The following ADCY3 variants were observed in gnomAD, a reference collection of about 807,000 sequenced individuals.
The protein encoded by ADCY3 is adenylate cyclase 3, also known as adenylate cyclase type 3.
A neutral mutation model predicts 119.4 loss-of-function variants in ADCY3; 70 were observed. The observed-to-expected ratio is 0.59, with a 90% CI of 0.48 to 0.72. The LOEUF is 0.72. ADCY3 is among the 30% of genes least tolerant of loss of function. The probability of loss-of-function intolerance (pLI) is 0.00; values close to 1 mark genes in which losing one functional copy is unlikely to be tolerated. For synonymous variants in ADCY3, 672 were observed against 621.4 expected (o/e 1.08, Z -1.21); for missense variants, 1,238 against 1,541.6 (o/e 0.80, Z 3.30).
intron 3 of ADCY3, among the ~76,000 whole-genome samples, chr2:24,853,005 GGTGTGTGTGTGTGTGTGT>G (rs58904311): frequency 0.084 from 8,000 of 95,250 alleles, 300 homozygotes; most frequent in East Asian, 0.1. Flanking sequence ...ACAGCTGGAG[GGTGTGTGTGTGTGTGTGT>G]GTGTGTGTGT....
rs143156936 is a variant in ADCY3, at chr2:24,918,406, G to A, written c.582C>T (p.Ser194=). The A allele has an allele frequency of 1.2e-4, 198 of 1,613,794 alleles. No homozygotes were observed. The African/African-American group carries it at 2.3e-3, about 19-fold the overall frequency. The change falls in exon 2 of 22, where the codon TCC becomes TCT. Residue 194 remains serine (S), a synonymous_variant. Transcript: ENST00000679454. This position sits in a 1 kb window ranked among gnomAD's most constrained non-coding sequence, Gnocchi z 5.4. ...ACGTGTGCACCACACAGGAGACCACGGAGATGATCACGATGGGGCTGAGGC... is the reference window on the plus strand; with the variant it reads ...ACGTGTGCACCACACAGGAGACCACAGAGATGATCACGATGGGGCTGAGGC... ...PLSLSPIVII[S]VVSCVVHTLV...
chr2:24,858,808 C>T (rs561587726), intron 3 of ADCY3, among the ~76,000 whole-genome samples: 1 of 152,354 alleles, frequency 6.6e-6, no homozygotes, highest in East Asian at 1.9e-4. Context: ...GGGCCGTCAG[C>T]AGGACTGTCC....
intron 2 of ADCY3, among the ~76,000 whole-genome samples, chr2:24,874,608 G>C (rs761838500): frequency 2.0e-5 from 3 of 152,210 alleles, no homozygotes; most frequent in Non-Finnish European, 4.4e-5. Flanking sequence ...CTGTGGGCCA[G>C]GTCTTCTTCT....
At chr2:24,902,009 TTAG>T (rs1678957275) in intron 2 of ADCY3, among the ~76,000 whole-genome samples, 1 of 151,560 alleles carries the variant, frequency 6.6e-6, no homozygotes, top group South Asian at 2.1e-4. Flanking sequence ...CTACTGAATT[TTAG>T]TAGATGGCAC....
At position 24,919,207 on chromosome 2, in the gene ADCY3, G is replaced by C. The variant is rs1558537543; in HGVS notation, c.-197-23C>G. The C allele has an allele frequency of 1.8e-6, 1 of 568,882 alleles. No individual in the cohort carries two copies. The highest frequency in any genetic ancestry group is 3.1e-6 in the Non-Finnish European group (1 of 319,612). 35.2% of individuals were successfully genotyped at this position (568,882 alleles called of 1,614,324 possible). On this transcript the variant is annotated intron_variant, in intron 1 of 21. Transcript: ENST00000679454. The surrounding 1 kb of genome is among the most constrained non-coding windows in gnomAD (Gnocchi z 5.5). ...GAACTGAAAAGGGCATTGCTGAGTA[G>C]AAGCACCTCTTCCCTCCTACCTTGC...
chr2:24,844,432 T>C (rs1262444161), intron 3 of ADCY3, among the ~76,000 whole-genome samples: 3 of 152,096 alleles, frequency 2.0e-5, no homozygotes, highest in Non-Finnish European at 4.4e-5. Flanking sequence ...CCTTGCCTCC[T>C]GACAAGGCCT....
At position 24,834,185 on chromosome 2, in the gene ADCY3, G is replaced by T. The variant is rs11689042; in HGVS notation, c.1967+300C>A. Among the ~76,000 whole-genome samples the T allele has an allele frequency of 1.3e-5, 2 of 152,110 alleles. No homozygotes were observed. Among genetic ancestry groups the T allele is most frequent in the East Asian group, 1.9e-4 (1 of 5,190 alleles). On this transcript the variant is annotated intron_variant, in intron 11 of 21. Transcript: ENST00000679454. The surrounding 1 kb of genome is among the most constrained non-coding windows in gnomAD (Gnocchi z 4.2). ...CATCTTTGTCCCAAGAATCAGTGTGGGCCCATCTAGCCAAGGTCTCCAGCC... is the reference window on the plus strand; with the variant it reads ...CATCTTTGTCCCAAGAATCAGTGTGTGCCCATCTAGCCAAGGTCTCCAGCC...
Position 24,918,824 on chromosome 2 carries a change from A to T in ADCY3, c.164T>A (p.Leu55Gln). 1.9e-6 allele frequency: 3 copies of T among 1,613,758 alleles called. No homozygotes were observed. Among genetic ancestry groups the T allele is most frequent in the Non-Finnish European group, 2.5e-6 (3 of 1,180,044 alleles). ...SCLCLPRFMR[L>Q]TFVPESLENL... ...CTCCAAGGACTCCGGCACGAAAGTC[A>T]GCCGCATGAAGCGAGGCAGGCACAG... is the stretch of plus-strand genomic sequence containing the variant. Residue 55 changes from leucine (L) to glutamine (Q), a missense_variant, in exon 2 of 22, where the codon CTG (leucine) becomes CAG (glutamine). Physicochemically the swap from Leu to Gln is moderately radical, Grantham distance 113. Transcript: ENST00000679454. The surrounding 1 kb of genome is among the most constrained non-coding windows in gnomAD (Gnocchi z 5.4).
intron 3 of ADCY3, among the ~76,000 whole-genome samples, chr2:24,859,747 A>G (rs1673415667): frequency 6.6e-6 from 1 of 152,140 alleles, no homozygotes; most frequent in South Asian, 2.1e-4. Context: ...CCCTAGTAAC[A>G]GGTGACCCTG....
chr2:24,820,575 CAG>C (rs1667475267), intron 21 of ADCY3, 147 bp downstream of exon 21: 1 of 1,455,046 alleles, frequency 6.9e-7, no homozygotes, highest in Non-Finnish European at 9.2e-7. Context: ...CTAGCTATTG[CAG>C]AGATTCTTTT....
Position 24,841,703 on chromosome 2 carries a change from G to A in ADCY3, c.957-36C>T, listed in dbSNP as rs572455120. ...AAGGAACCGTGGGGGTGACGCTCCA[G>A]GCAGCCAGGTGTACCCGACCCCACT... On this transcript the variant is annotated intron_variant, in intron 4 of 21. Coordinates refer to ENST00000679454, the MANE Select transcript of ADCY3 (RefSeq NM_004036.5). This position sits in a 1 kb window ranked among gnomAD's most constrained non-coding sequence, Gnocchi z 5.8. 4 of 1,558,184 alleles carry A rather than the reference G, an allele frequency of 2.6e-6. No individual in the cohort carries two copies. The South Asian group carries it at 4.5e-5, about 18-fold the overall frequency.
At chr2:24,906,081 CG>C (rs1558521598) in intron 2 of ADCY3, among the ~76,000 whole-genome samples, 1 of 152,016 alleles carries the variant, frequency 6.6e-6, no homozygotes, top group Non-Finnish European at 1.5e-5. Context: ...CTGAGGCGGG[CG>C]GATCACCTGA....
chr2:24,875,254 C>T (rs769743901), intron 2 of ADCY3, among the ~76,000 whole-genome samples: 6 of 152,202 alleles, frequency 3.9e-5, no homozygotes, highest in Non-Finnish European at 8.8e-5. Flanking sequence ...GGAGGAGGAC[C>T]CCCTGGGGCG....
intron 6 of ADCY3, chr2:24,840,595 C>T: frequency 2.2e-6 from 1 of 462,750 alleles, no homozygotes; most frequent in Non-Finnish European, 4.5e-6. Flanking sequence ...TTCCTGGACT[C>T]CATCCCATGG....
intron 19 of ADCY3, chr2:24,822,217 G>A (rs989990008): frequency 2.7e-5 from 7 of 262,186 alleles, no homozygotes; most frequent in African/African-American, 1.5e-4. Flanking sequence ...TTCCCTTGTT[G>A]ACAATTGCTC....
rs771918866 is a variant in ADCY3, at chr2:24,826,044, C to G, written c.2577+1G>C. On this transcript the variant is annotated splice_donor_variant, in intron 16 of 21. Transcript: ENST00000679454. LOFTEE classifies it high-confidence loss of function. Reference sequence around the variant, plus strand: ...GCGGGGATCGTGCAGGCGGCACTCACGTGGCGGGAGAAGTAGTAGAAGCTG... The same window carrying G: ...GCGGGGATCGTGCAGGCGGCACTCAGGTGGCGGGAGAAGTAGTAGAAGCTG... 1 of 1,613,920 alleles carries G rather than the reference C, an allele frequency of 6.2e-7. No homozygotes were observed. Among genetic ancestry groups the G allele is most frequent in the Non-Finnish European group, 8.5e-7 (1 of 1,179,894 alleles).
Position 24,842,534 on chromosome 2 carries a change from G to A in ADCY3, c.826-150C>T, listed in dbSNP as rs1401214862. On this transcript the variant is annotated intron_variant, in intron 3 of 21. Transcript: ENST00000679454. This position sits in a 1 kb window ranked among gnomAD's most constrained non-coding sequence, Gnocchi z 4.9. ...GAGAGACCTCACAGATCTGCCTCGG[G>A]AGCAGCCAGGGGTCTGGGACAGGCA... 1.9e-6 allele frequency: 2 copies of A among 1,050,290 alleles called. No homozygotes were observed. The highest frequency in any genetic ancestry group is 2.7e-6 in the Non-Finnish European group (2 of 733,358). The allele number at this position is 1,050,290 out of a possible 1,614,324, so 65.1% of individuals were successfully genotyped here.
At chr2:24,875,674 C>T (rs1360550750) in intron 2 of ADCY3, among the ~76,000 whole-genome samples, 1 of 152,216 alleles carries the variant, frequency 6.6e-6, no homozygotes, top group Non-Finnish European at 1.5e-5. Context: ...GGGAGTCCCC[C>T]TCCCGGCCTC....
chr2:24,918,499 G>T lies in ADCY3; in HGVS notation c.489C>A (p.His163Gln), dbSNP rs143034828. 2 of 1,613,892 alleles carry T rather than the reference G, an allele frequency of 1.2e-6. No individual in the cohort carries two copies. Among genetic ancestry groups the T allele is most frequent in the Admixed American group, 1.7e-5 (1 of 59,982 alleles). Reference sequence around the variant, plus strand: ...GCCAGCCCACCGTGTCACTAGCCGCGTGGGCACGCGCGAAGTTCAGGCCCA... The same window carrying T: ...GCCAGCCCACCGTGTCACTAGCCGCTTGGGCACGCGCGAAGTTCAGGCCCA... ...SYLGLNFARAHAASDTVGWQV... is the reference protein window; with the variant it reads ...SYLGLNFARAQAASDTVGWQV... The change falls in exon 2 of 22, where the codon CAC becomes CAA. Residue 163 changes from histidine to glutamine, a missense_variant. His to Gln is a conservative substitution (Grantham distance 24). Around this residue, in one of 7 missense-constraint regions of ADCY3, gnomAD observed 227 missense variants for 249.3 expected, o/e 0.91. Coordinates refer to ENST00000679454, the MANE Select transcript of ADCY3 (RefSeq NM_004036.5). This position sits in a 1 kb window ranked among gnomAD's most constrained non-coding sequence, Gnocchi z 5.4.
Sources: gnomAD v4.1 joint callset for allele counts (sites outside exome capture counted in the v4.1 genomes callset) on GRCh38, gnomAD v4.1.1 for gene constraint, gnomAD v4.1.1 regional missense constraint, Gnocchi (gnomAD v3.1) non-coding constraint, MANE v1.5 for transcripts, NCBI Gene and HGNC (gene_info 2026-07-23, HGNC 2026-07-21) for gene names.